The following KCNJ3 variants were observed in gnomAD, a reference collection of about 807,000 sequenced individuals.
KCNJ3 encodes the protein potassium inwardly rectifying channel subfamily J member 3.
In KCNJ3, 4 loss-of-function variants were observed where a neutral mutation model predicts 39.2. The observed-to-expected ratio is 0.10, with a 90% CI of 0.05 to 0.23. The LOEUF (loss-of-function observed/expected upper bound fraction) is 0.23. Ranked by LOEUF, KCNJ3 falls within the 10% of genes least tolerant of loss-of-function variation. KCNJ3 has a pLI of 1.00. For missense variants in KCNJ3, 276 were observed against 634.9 expected (o/e 0.43, Z 6.08); for synonymous variants, 230 against 237.4 (o/e 0.97, Z 0.29).
intron 1 of KCNJ3, among the ~76,000 whole-genome samples, chr2:154,702,730 A>C (rs993812536): frequency 3.3e-5 from 5 of 151,940 alleles, no homozygotes; most frequent in African/African-American, 1.2e-4. Context: ...ATAAAAATCA[A>C]AGGCTATAGT....
intron 2 of KCNJ3, among the ~76,000 whole-genome samples, chr2:154,722,287 T>C (rs966079116): frequency 2.6e-5 from 4 of 152,130 alleles, no homozygotes; most frequent in Admixed American, 2.6e-4. Context: ...CCAGTATAAT[T>C]CATAATCCAG....
chr2:154,764,943 AC>A (rs372843536), intron 2 of KCNJ3, among the ~76,000 whole-genome samples: 4 of 151,786 alleles, frequency 2.6e-5, no homozygotes, highest in African/African-American at 9.7e-5. Context: ...GATGCTCTCC[AC>A]CCCCCAAACA....
At chr2:154,739,740 C>T (rs960132125) in intron 2 of KCNJ3, among the ~76,000 whole-genome samples, 4 of 151,974 alleles carry the variant, frequency 2.6e-5, no homozygotes, top group Non-Finnish European at 5.9e-5. Flanking sequence ...ACGGGAGTTC[C>T]CTTCAGATTA....
chr2:154,709,978 T>C, intron 2 of KCNJ3, 159 bp downstream of exon 2: 1 of 429,632 alleles, frequency 2.3e-6, no homozygotes, highest in Non-Finnish European at 3.1e-6. Flanking sequence ...ATTGATACCA[T>C]TTTGAAAATT....
chr2:154,765,772 C>T (rs1401871837), intron 2 of KCNJ3, among the ~76,000 whole-genome samples: 1 of 152,182 alleles, frequency 6.6e-6, no homozygotes, highest in African/African-American at 2.4e-5. Context: ...TACATACATC[C>T]TGGAAACTAC....
intron 2 of KCNJ3, among the ~76,000 whole-genome samples, chr2:154,832,689 A>AG (rs397739484): frequency 1.0e-5 from 1 of 98,542 alleles, no homozygotes; most frequent in Non-Finnish European, 2.3e-5. Context: ...TGGAGCTTAT[A>AG]GAGTGTATAA....
intron 2 of KCNJ3, among the ~76,000 whole-genome samples, chr2:154,819,992 A>T (rs1173263729): frequency 6.6e-6 from 1 of 152,046 alleles, no homozygotes; most frequent in African/African-American, 2.4e-5. Flanking sequence ...TTGTGTTTTT[A>T]GAATTATGGA....
intron 2 of KCNJ3, among the ~76,000 whole-genome samples, chr2:154,726,243 T>TA (rs1685355431): frequency 6.6e-6 from 1 of 151,948 alleles, no homozygotes; most frequent in African/African-American, 2.4e-5. Flanking sequence ...CCAGAATTTA[T>TA]AAGAAACTCA....
At chr2:154,741,436 A>AT (rs57454604) in intron 2 of KCNJ3, among the ~76,000 whole-genome samples, 71 of 150,294 alleles carry the variant, frequency 4.7e-4, no homozygotes, top group Admixed American at 2.6e-3. Flanking sequence ...ATTTTGATGA[A>AT]TTTTTTTTTT....
chr2:154,846,202 A>ATACT lies in KCNJ3; in HGVS notation c.920-8523_920-8520dup, dbSNP rs1351443071. The stretch of plus-strand genomic sequence containing the variant: ...GTTTGTTTTACTCACTTCATTATAT[A>ATACT]TACTTCCTCATATTCCAGATAAATA... On this transcript the variant is annotated intron_variant, in intron 2 of 2. Transcript: ENST00000295101. 2.7e-5 allele frequency among the ~76,000 whole-genome samples: 4 copies of ATACT among 147,420 alleles called. No individual in the cohort carries two copies. In the East Asian group the frequency reaches 8.2e-4, roughly 30 times the overall value.
chr2:154,794,330 A>C (rs1686684989), intron 2 of KCNJ3, among the ~76,000 whole-genome samples: 1 of 152,046 alleles, frequency 6.6e-6, no homozygotes, highest in African/African-American at 2.4e-5. Flanking sequence ...TTCTTTAAAA[A>C]TATCTGCCAA....
chr2:154,698,881 C>G lies in KCNJ3; in HGVS notation c.106C>G (p.Gln36Glu). The change falls in exon 1 of 3, where the codon CAG becomes GAG. Residue 36 changes from glutamine (Q) to glutamate (E), a missense_variant. Gln to Glu is a conservative substitution (Grantham distance 29). Around this residue, in one of 4 missense-constraint regions of KCNJ3, gnomAD observed 27 missense variants for 48.5 expected, o/e 0.56. Transcript: ENST00000295101. ...PQGPGQDPQQQLVPKKKRQRF... is the reference protein window; with the variant it reads ...PQGPGQDPQQELVPKKKRQRF... Reference sequence around the variant, plus strand: ...GGGGCCAGGCCAGGACCCTCAGCAGCAGCTTGTGCCCAAGAAGAAGCGGCA... The same window carrying G: ...GGGGCCAGGCCAGGACCCTCAGCAGGAGCTTGTGCCCAAGAAGAAGCGGCA... 1 of 1,614,180 alleles carries G rather than the reference C, an allele frequency of 6.2e-7. No individual in the cohort carries two copies. Among genetic ancestry groups the G allele is most frequent in the Non-Finnish European group, 8.5e-7 (1 of 1,180,048 alleles).
intron 2 of KCNJ3, among the ~76,000 whole-genome samples, chr2:154,750,965 A>C (rs969587266): frequency 1.3e-5 from 2 of 151,964 alleles, no homozygotes; most frequent in African/African-American, 4.8e-5. Flanking sequence ...TATCATTGTA[A>C]TAGCAAAACA....
intron 2 of KCNJ3, among the ~76,000 whole-genome samples, chr2:154,840,788 C>T (rs751023878): frequency 2.4e-4 from 37 of 152,106 alleles, no homozygotes; most frequent in Non-Finnish European, 4.9e-4. Flanking sequence ...ATTTTTGCAT[C>T]CTGAGACTTT....
At chr2:154,730,796 A>G (rs1328499290) in intron 2 of KCNJ3, among the ~76,000 whole-genome samples, 2 of 152,062 alleles carry the variant, frequency 1.3e-5, no homozygotes, top group African/African-American at 2.4e-5. Flanking sequence ...GAATCTCATC[A>G]TAGATTAAAA....
At chr2:154,787,276 A>G (rs1195595800) in intron 2 of KCNJ3, among the ~76,000 whole-genome samples, 2 of 152,112 alleles carry the variant, frequency 1.3e-5, no homozygotes, top group Admixed American at 6.6e-5. Context: ...GCCATTCACT[A>G]ATGGCTTTTG....
Position 154,782,161 on chromosome 2 carries a change from C to T in KCNJ3, c.919+72342C>T, listed in dbSNP as rs184210842. 2.4e-4 allele frequency among the ~76,000 whole-genome samples: 36 copies of T among 152,216 alleles called. 1 individual carries two copies. The highest frequency in any genetic ancestry group is 1.9e-3 in the Admixed American group (29 of 15,280). On this transcript the variant is annotated intron_variant, in intron 2 of 2. Coordinates refer to ENST00000295101, the MANE Select transcript of KCNJ3 (RefSeq NM_002239.4). The stretch of plus-strand genomic sequence containing the variant: ...TAATGAGTGAGATAGTTTAAAGAAA[C>T]ATTGTAATGCGTCAGAAGAAGAATC...
At chr2:154,792,364 A>C (rs1574464340) in intron 2 of KCNJ3, among the ~76,000 whole-genome samples, 1 of 152,174 alleles carries the variant, frequency 6.6e-6, no homozygotes, top group Middle Eastern at 3.4e-3. Flanking sequence ...ATCTCTACCT[A>C]GCCCTTTGGG....
chr2:154,730,401 T>G (rs769538412), intron 2 of KCNJ3, among the ~76,000 whole-genome samples: 3 of 152,158 alleles, frequency 2.0e-5, no homozygotes, highest in Non-Finnish European at 4.4e-5. Context: ...AAAAGTTATG[T>G]TAATAAAGCC....
Sources: allele counts gnomAD v4.1 joint callset (sites outside exome capture counted in the v4.1 genomes callset), GRCh38; gene constraint gnomAD v4.1.1; regional missense constraint gnomAD v4.1.1; transcripts MANE v1.5; gene names NCBI Gene and HGNC (gene_info 2026-07-23, HGNC 2026-07-21).